Variants in ARHGEF10 observed in about 807,000 individuals in gnomAD.
ARHGEF10 encodes the protein Rho guanine nucleotide exchange factor 10.
ARHGEF10 carries 140 observed loss-of-function variants against 147.4 expected under a neutral mutation model. The observed-to-expected ratio is 0.95, with a 90% CI of 0.83 to 1.09. The LOEUF (loss-of-function observed/expected upper bound fraction) is 1.09, where lower values mean the gene tolerates loss of function less well. Ranked by LOEUF, ARHGEF10 falls within the 50% of genes least tolerant of loss-of-function variation. The pLI, the probability that ARHGEF10 is intolerant of heterozygous loss-of-function variation, is 0.00. For missense variants in ARHGEF10, 2,222 were observed against 1,752.7 expected (o/e 1.27, Z -4.78); for synonymous variants, 902 against 695.8 (o/e 1.30, Z -4.67).
chr8:1,846,949 T>C (rs1267386146), intron 2 of ARHGEF10, among the ~76,000 whole-genome samples: 1 of 152,226 alleles, frequency 6.6e-6, no homozygotes, highest in Non-Finnish European at 1.5e-5. Flanking sequence ...TTCAGGCTGC[T>C]GCTCGTTTTT....
chr8:1,897,576 C>G (rs36071453), intron 14 of ARHGEF10, among the ~76,000 whole-genome samples: 2,555 of 115,642 alleles, frequency 0.022, 62 homozygotes, highest in South Asian at 0.056. Context: ...TGTCCTAAGG[C>G]ATCGGATCGC....
intron 18 of ARHGEF10, among the ~76,000 whole-genome samples, chr8:1,911,436 G>C (rs953325013): frequency 7.2e-5 from 11 of 152,186 alleles, no homozygotes; most frequent in Non-Finnish European, 1.5e-4. Flanking sequence ...TGTTCCTCTA[G>C]ATTAAAAAAG....
At chr8:1,883,273 C>T (rs1231862212) in intron 10 of ARHGEF10, among the ~76,000 whole-genome samples, 3 of 152,004 alleles carry the variant, frequency 2.0e-5, no homozygotes, top group Middle Eastern at 6.4e-3. Context: ...TGCACGGCGG[C>T]AACAAGCAGC....
intron 5 of ARHGEF10, among the ~76,000 whole-genome samples, chr8:1,865,982 A>G (rs1167832651): frequency 6.6e-6 from 1 of 152,298 alleles, no homozygotes; most frequent in African/African-American, 2.4e-5. Flanking sequence ...CGAGTGGAGC[A>G]TTCCCGTAGC....
chr8:1,882,794 G>C (rs1245125290), intron 10 of ARHGEF10, 45 bp downstream of exon 10: 23 of 1,367,934 alleles, frequency 1.7e-5, no homozygotes, highest in South Asian at 6.3e-5. Context: ...CGGGGTTGGG[G>C]GGGGCGGCCA....
intron 2 of ARHGEF10, among the ~76,000 whole-genome samples, chr8:1,844,316 G>A (rs908586230): frequency 5.9e-5 from 9 of 151,466 alleles, no homozygotes; most frequent in African/African-American, 2.2e-4. Flanking sequence ...TGGAAGTCAG[G>A]CTGTTCATAA....
At chr8:1,897,984 C>T (rs1222483667) in intron 14 of ARHGEF10, among the ~76,000 whole-genome samples, 1 of 152,182 alleles carries the variant, frequency 6.6e-6, no homozygotes, top group Non-Finnish European at 1.5e-5. Flanking sequence ...GAGACTCCCC[C>T]CAGGTCAACA....
At chr8:1,861,120 G>A (rs932181339) in intron 4 of ARHGEF10, among the ~76,000 whole-genome samples, 15 of 152,220 alleles carry the variant, frequency 9.9e-5, no homozygotes, top group Admixed American at 9.2e-4. Context: ...CGGTCTCTGT[G>A]TCCTCAGCGC....
chr8:1,874,164 A>G (rs928051287), intron 7 of ARHGEF10, among the ~76,000 whole-genome samples: 1 of 152,190 alleles, frequency 6.6e-6, no homozygotes, highest in African/African-American at 2.4e-5. Context: ...CACTGAATTG[A>G]TGGTTAGCAA....
rs1301178432 is a variant in ARHGEF10, at chr8:1,842,011, CCGCGGCG to C, written c.-47-1341_-47-1335del. Among the ~76,000 whole-genome samples, 20 of 87,378 alleles carry C rather than the reference CCGCGGCG, an allele frequency of 2.3e-4. 1 individual carries two copies. The highest frequency in any genetic ancestry group is 7.3e-4 in the East Asian group (2 of 2,738). 57.3% of individuals were successfully genotyped at this position (87,378 alleles called of 152,430 possible). Reference sequence around the variant, plus strand: ...ACTGGGGCCGCGGCGGGAACTGGGGCCGCGGCGGGAACTGGGGCCGCGGCGGGAACTG... The same window carrying C: ...ACTGGGGCCGCGGCGGGAACTGGGGCGGAACTGGGGCCGCGGCGGGAACTG... On this transcript the variant is annotated intron_variant, in intron 1 of 28. Transcript: ENST00000349830.
intron 27 of ARHGEF10, among the ~76,000 whole-genome samples, chr8:1,949,180 T>TAA: frequency 6.6e-6 from 1 of 152,338 alleles, no homozygotes; most frequent in Non-Finnish European, 1.5e-5. Flanking sequence ...GCCTTTTGTG[T>TAA]AAGTTCACAC....
At chr8:1,890,415 A>G (rs73542935) in intron 11 of ARHGEF10, among the ~76,000 whole-genome samples, 25,766 of 140,766 alleles carry the variant, frequency 0.18, 4,639 homozygotes, top group African/African-American at 0.48. Context: ...GGGTTGTGAG[A>G]AGACACTGAA....
intron 2 of ARHGEF10, among the ~76,000 whole-genome samples, chr8:1,849,839 T>TGTG (rs1563173289): frequency 1.5e-3 from 45 of 29,276 alleles, no homozygotes; most frequent in East Asian, 3.9e-3. Flanking sequence ...GAGGAGGGCT[T>TGTG]GGGCGGCCAC....
At chr8:1,899,639 C>T (rs1336840762) in intron 15 of ARHGEF10, among the ~76,000 whole-genome samples, 1 of 152,144 alleles carries the variant, frequency 6.6e-6, no homozygotes, top group Non-Finnish European at 1.5e-5. Context: ...TAATTTTATC[C>T]TCTGGCTTAT....
At position 1,872,886 on chromosome 8, in the gene ARHGEF10, ACTC is replaced by A. The variant is rs1397082636; in HGVS notation, c.679+3639_679+3641del. On this transcript the variant is annotated intron_variant, in intron 7 of 28. Coordinates refer to ENST00000349830, the MANE Select transcript of ARHGEF10 (RefSeq NM_014629.4). ...TGATTTCATCCTGTTGATCAGGAAAACTCCTAGGTGCTTGCAGGTAAATGTGCC... is the reference window on the plus strand; with the variant it reads ...TGATTTCATCCTGTTGATCAGGAAAACTAGGTGCTTGCAGGTAAATGTGCC... Among the ~76,000 whole-genome samples, 5 of 152,190 alleles carry A rather than the reference ACTC, an allele frequency of 3.3e-5. No individual in the cohort carries two copies. In the South Asian group the frequency reaches 6.2e-4, roughly 19 times the overall value.
chr8:1,949,142 G>GA (rs1022274674), intron 27 of ARHGEF10, among the ~76,000 whole-genome samples: 1 of 151,960 alleles, frequency 6.6e-6, no homozygotes. Context: ...AACAAAATTT[G>GA]AAAAAAACAA....
intron 6 of ARHGEF10, among the ~76,000 whole-genome samples, chr8:1,868,350 A>G (rs1032727639): frequency 6.6e-6 from 1 of 152,190 alleles, no homozygotes; most frequent in Non-Finnish European, 1.5e-5. Context: ...TTTTTGATGC[A>G]GTCATATGTC....
At chr8:1,866,149 G>T (rs1806592304) in intron 5 of ARHGEF10, among the ~76,000 whole-genome samples, 1 of 152,164 alleles carries the variant, frequency 6.6e-6, no homozygotes, top group African/African-American at 2.4e-5. Context: ...ACGGCCCATT[G>T]CCCGCTGGCA....
chr8:1,947,178 C>T (rs995646574), intron 27 of ARHGEF10, among the ~76,000 whole-genome samples: 4 of 152,086 alleles, frequency 2.6e-5, no homozygotes, highest in Non-Finnish European at 4.4e-5. Flanking sequence ...CGCTCTCACG[C>T]GGCAGTGAGT....
Sources: gnomAD v4.1 joint callset for allele counts (sites outside exome capture counted in the v4.1 genomes callset) on GRCh38, gnomAD v4.1.1 for gene constraint, MANE v1.5 for transcripts, NCBI Gene and HGNC (gene_info 2026-07-23, HGNC 2026-07-21) for gene names.